The following SUGT1 variants were observed in gnomAD, a reference collection of about 807,000 sequenced individuals.
SUGT1 encodes protein SGT1 homolog.
Under a neutral mutation model 56.1 loss-of-function variants are expected in SUGT1, and 15 were observed. That is an observed-to-expected ratio of 0.27 (90% CI 0.18 to 0.41). The LOEUF (loss-of-function observed/expected upper bound fraction) is 0.41, where lower values mean the gene tolerates loss of function less well. Ranked by LOEUF, SUGT1 falls within the 10% of genes least tolerant of loss-of-function variation. The pLI is 1.00. For missense variants in SUGT1, 347 were observed against 382.2 expected (o/e 0.91, Z 0.77); for synonymous variants, 123 against 128.6 (o/e 0.96, Z 0.30).
intron 5 of SUGT1, among the ~76,000 whole-genome samples, chr13:52,660,673 T>C (rs1209183162): frequency 6.6e-6 from 1 of 152,228 alleles, no homozygotes; most frequent in Non-Finnish European, 1.5e-5. Context: ...GGTATGTGAA[T>C]AGTAGGCCTA....
intron 6 of SUGT1, 100 bp from the exon 7 acceptor site, chr13:52,662,996 G>T: frequency 1.5e-6 from 2 of 1,327,106 alleles, no homozygotes. Flanking sequence ...CGGAGAATTT[G>T]CTTGCTTAAT....
intron 11 of SUGT1, among the ~76,000 whole-genome samples, chr13:52,679,066 C>G (rs1400296796): frequency 6.6e-6 from 1 of 152,112 alleles, no homozygotes; most frequent in Non-Finnish European, 1.5e-5. Context: ...TCACCTGATT[C>G]TTTTTAGTAA....
intron 2 of SUGT1, among the ~76,000 whole-genome samples, chr13:52,657,249 A>G (rs1962210967): frequency 1.3e-5 from 2 of 152,198 alleles, no homozygotes; most frequent in East Asian, 3.8e-4. Flanking sequence ...TTCAGAATAT[A>G]TGAGCTGATA....
Position 52,658,439 on chromosome 13 carries a change from A to G in SUGT1, c.228A>G (p.Pro76=). Residue 76 remains proline, a synonymous_variant, in exon 4 of 13, where the codon CCA becomes CCG. Coordinates refer to ENST00000310528, the MANE Select transcript of SUGT1 (RefSeq NM_006704.5). The part of the protein sequence containing the change: ...ADAKKSLELN[P]NNSTAMLRKG... ...CAAAGAAGTCTCTAGAACTCAATCC[A>G]AATAATTCCACTGCTATGCTGAGAA... The G allele has an allele frequency of 6.2e-7, 1 of 1,613,202 alleles. No homozygotes were observed.
At chr13:52,654,124 A>T (rs1209096407) in intron 2 of SUGT1, among the ~76,000 whole-genome samples, 1 of 152,242 alleles carries the variant, frequency 6.6e-6, no homozygotes, top group Non-Finnish European at 1.5e-5. Context: ...CCATTTGATT[A>T]AGAGAGGTTG....
intron 10 of SUGT1, among the ~76,000 whole-genome samples, chr13:52,670,722 C>T (rs982400078): frequency 6.6e-6 from 1 of 152,052 alleles, no homozygotes; most frequent in African/African-American, 2.4e-5. Flanking sequence ...GCAGGAGAAT[C>T]GCTTGAACCT....
At chr13:52,661,841 A>C (rs562922016) in intron 5 of SUGT1, among the ~76,000 whole-genome samples, 17 of 152,228 alleles carry the variant, frequency 1.1e-4, no homozygotes, top group African/African-American at 4.1e-4. Flanking sequence ...TTCTTTTATA[A>C]ATTAGTAAAG....
chr13:52,655,792 T>C (rs967664184), intron 2 of SUGT1, among the ~76,000 whole-genome samples: 2 of 152,214 alleles, frequency 1.3e-5, no homozygotes, highest in Admixed American at 1.3e-4. Flanking sequence ...GAGTTGCCTC[T>C]GGGACATTTC....
At chr13:52,668,838 A>G (rs1962820752) in intron 10 of SUGT1, among the ~76,000 whole-genome samples, 1 of 152,052 alleles carries the variant, frequency 6.6e-6, no homozygotes, top group Non-Finnish European at 1.5e-5. Context: ...CTCAAAAAAA[A>G]AAAAAAAAAG....
Position 52,666,924 on chromosome 13 carries a change from G to T in SUGT1, c.627+5G>T, listed in dbSNP as rs753796018. The T allele has an allele frequency of 1.9e-6, 3 of 1,595,532 alleles. No homozygotes were observed. In the African/African-American group the frequency reaches 4.0e-5, roughly 21 times the overall value. On this transcript the variant is annotated splice_donor_5th_base_variant and intron_variant, in intron 10 of 12. Coordinates refer to ENST00000310528, the MANE Select transcript of SUGT1 (RefSeq NM_006704.5). ...TTTAAAGTACTTTCAACAAAGGTAA[G>T]ACCATTGAAAAGTTTGTTACTAGTA... is the stretch of plus-strand genomic sequence containing the variant.
chr13:52,653,526 C>A (rs1357979197), intron 2 of SUGT1, among the ~76,000 whole-genome samples: 1 of 152,162 alleles, frequency 6.6e-6, no homozygotes, highest in East Asian at 1.9e-4. Flanking sequence ...AAACCCTTTT[C>A]CCTCACGTCC....
chr13:52,663,029 T>G, intron 6 of SUGT1, 67 bp from the exon 7 acceptor site: 1 of 1,531,598 alleles, frequency 6.5e-7, no homozygotes, highest in Non-Finnish European at 8.9e-7. Flanking sequence ...GCTATAGAAA[T>G]CATACAAATA....
intron 11 of SUGT1, among the ~76,000 whole-genome samples, chr13:52,678,883 A>G (rs927643009): frequency 5.3e-5 from 8 of 151,472 alleles, no homozygotes; most frequent in South Asian, 2.1e-4. Context: ...GGCTCTCACT[A>G]TGTTGCCCAG....
intron 5 of SUGT1, among the ~76,000 whole-genome samples, 179 bp downstream of exon 5, chr13:52,659,428 C>T (rs775642274): frequency 1.3e-5 from 2 of 152,028 alleles, no homozygotes; most frequent in African/African-American, 4.8e-5. Flanking sequence ...TTAAATTAGC[C>T]TTTTGGCATT....
chr13:52,659,487 C>T (rs916023213), intron 5 of SUGT1, among the ~76,000 whole-genome samples: 2 of 151,938 alleles, frequency 1.3e-5, no homozygotes, highest in African/African-American at 4.8e-5. Context: ...ACTATGGAAA[C>T]ACCTAACATG....
intron 12 of SUGT1, among the ~76,000 whole-genome samples, chr13:52,680,831 G>A (rs1050018619): frequency 6.6e-6 from 1 of 152,156 alleles, no homozygotes; most frequent in African/African-American, 2.4e-5. Flanking sequence ...AATTGGTCAT[G>A]ATTGTGCTTT....
intron 12 of SUGT1, among the ~76,000 whole-genome samples, chr13:52,684,564 G>A (rs1022492881): frequency 6.6e-6 from 1 of 151,630 alleles, no homozygotes; most frequent in African/African-American, 2.4e-5. Context: ...TTTGAGACAG[G>A]GTCTCCCTCT....
At chr13:52,679,591 T>G (rs1292219439) in intron 11 of SUGT1, among the ~76,000 whole-genome samples, 2 of 152,172 alleles carry the variant, frequency 1.3e-5, no homozygotes, top group African/African-American at 4.8e-5. Context: ...TTTAAAAAAT[T>G]TCATTTTTAG....
At chr13:52,661,639 TCAGA>T in intron 5 of SUGT1, 1 of 401,716 alleles carries the variant, frequency 2.5e-6, no homozygotes, top group Admixed American at 2.9e-5. Flanking sequence ...TCTATTTTTA[TCAGA>T]CAGGGTAAAG....
Sources: gnomAD v4.1 joint callset for allele counts (sites outside exome capture counted in the v4.1 genomes callset) on GRCh38, gnomAD v4.1.1 for gene constraint, MANE v1.5 for transcripts, NCBI Gene and HGNC (gene_info 2026-07-23, HGNC 2026-07-21) for gene names.